Variants in JAKMIP3 observed in about 807,000 individuals in gnomAD.
JAKMIP3 encodes Janus kinase and microtubule interacting protein 3, also known as janus kinase and microtubule-interacting protein 3.
JAKMIP3 carries 58 observed loss-of-function variants against 118.5 expected under a neutral mutation model. The observed-to-expected ratio is 0.49, with a 90% CI of 0.40 to 0.61. The LOEUF (loss-of-function observed/expected upper bound fraction) is 0.61. Ranked by LOEUF, JAKMIP3 falls within the 20% of genes least tolerant of loss-of-function variation. The probability of loss-of-function intolerance (pLI) is 0.00; values close to 1 mark genes in which losing one functional copy is unlikely to be tolerated. For synonymous variants in JAKMIP3, 486 were observed against 451.2 expected, an observed-to-expected ratio of 1.08 and a Z score of -0.98; for missense variants, 950 against 1,109.0, an observed-to-expected ratio of 0.86 and a Z score of 2.04.
In JAKMIP3 at chr10:132,182,756, C is replaced by T. The variant is rs2061599232; in HGVS notation, c.*1503C>T. The T allele has an allele frequency of 1.3e-5, 2 of 152,134 alleles. No homozygotes were observed. The highest frequency in any genetic ancestry group is 4.8e-5 in the African/African-American group (2 of 41,406). The allele number at this position is 152,134 out of a possible 1,614,324, so 9.4% of individuals were successfully genotyped here. ...CTGGGTTGTCTGGAAGTATTAGGCT[C>T]ATTTTATATTTGTGTCAGAAGAAAT... On this transcript the variant is annotated 3_prime_UTR_variant, in exon 24 of 24. Transcript: ENST00000684848.
At chr10:132,165,850 C>T (rs1229082176) in intron 21 of JAKMIP3, among the ~76,000 whole-genome samples, 1 of 152,218 alleles carries the variant, frequency 6.6e-6, no homozygotes, top group Non-Finnish European at 1.5e-5. Flanking sequence ...CCTTTGAGGC[C>T]CCGGTGGACT....
intron 1 of JAKMIP3, among the ~76,000 whole-genome samples, chr10:132,042,194 C>CCTTCCTTCCTTCCTTT (rs2037781349): frequency 6.7e-6 from 1 of 148,498 alleles, no homozygotes; most frequent in Non-Finnish European, 1.5e-5. Flanking sequence ...CTCCTTCCTT[C>CCTTCCTTCCTTCCTTT]CTTCCTTCCT....
At chr10:132,130,816 G>T (rs1589887950) in intron 3 of JAKMIP3, among the ~76,000 whole-genome samples, 2 of 152,172 alleles carry the variant, frequency 1.3e-5, no homozygotes, top group African/African-American at 4.8e-5. Flanking sequence ...GATCATGTCC[G>T]TGGGCTTCAC....
chr10:132,115,532 G>A (rs7086006), intron 2 of JAKMIP3, among the ~76,000 whole-genome samples: 51,302 of 152,064 alleles, frequency 0.34, 9,001 homozygotes, highest in African/African-American at 0.44. Flanking sequence ...CGGCTGGTTT[G>A]AAATGGAGAT....
intron 9 of JAKMIP3, 109 bp downstream of exon 9, chr10:132,138,287 T>C: frequency 2.2e-6 from 2 of 903,686 alleles, no homozygotes; most frequent in Non-Finnish European, 3.2e-6. Flanking sequence ...GGTGCGCCGG[T>C]GTACGTGGAG....
intron 1 of JAKMIP3, among the ~76,000 whole-genome samples, chr10:132,048,277 A>G (rs1564850599): frequency 6.6e-6 from 1 of 152,070 alleles, no homozygotes; most frequent in Non-Finnish European, 1.5e-5. Flanking sequence ...CGCTGCTTTG[A>G]GACTGTGCAG....
At chr10:132,105,447 G>A (rs1041571500) in intron 2 of JAKMIP3, among the ~76,000 whole-genome samples, 1 of 151,982 alleles carries the variant, frequency 6.6e-6, no homozygotes, top group Admixed American at 6.6e-5. Flanking sequence ...GGATGGGGAG[G>A]CCCACGATGG....
rs374480913 is a variant in JAKMIP3, at chr10:132,149,560, G to A, written c.1947+50G>A. The A allele has an allele frequency of 2.5e-5, 15 of 601,316 alleles. 1 individual carries two copies. Among genetic ancestry groups the A allele is most frequent in the African/African-American group, 1.6e-4 (3 of 18,432 alleles). 37.2% of individuals were successfully genotyped at this position (601,316 alleles called of 1,614,324 possible). ...TCCGCCCCCACCTCACCCATCCCCC[G>A]CCCCACCCCCTCTCCGCCCCCGCCC... On this transcript the variant is annotated intron_variant, in intron 15 of 23. Coordinates refer to ENST00000684848, the MANE Select transcript of JAKMIP3 (RefSeq NM_001323087.2).
intron 16 of JAKMIP3, among the ~76,000 whole-genome samples, chr10:132,152,299 G>A (rs2136198632): frequency 6.6e-6 from 1 of 152,278 alleles, no homozygotes; most frequent in Admixed American, 6.5e-5. Context: ...AGGGCTTTTG[G>A]AGTGAGCTGG....
At chr10:132,165,106 C>T (rs192144013) in intron 21 of JAKMIP3, among the ~76,000 whole-genome samples, 254 of 152,336 alleles carry the variant, frequency 1.7e-3, no homozygotes, top group Non-Finnish European at 2.9e-3. Context: ...GCCTTTGATC[C>T]GTGCAGGTTC....
Position 132,117,553 on chromosome 10 carries a change from C to T in JAKMIP3, c.612C>T (p.Cys204=), listed in dbSNP as rs546754312. 3.3e-5 allele frequency: 52 copies of T among 1,565,804 alleles called. No individual in the cohort carries two copies. Among genetic ancestry groups the T allele is most frequent in the Middle Eastern group, 3.9e-4 (2 of 5,122 alleles). The change falls in exon 3 of 24, where the codon TGC becomes TGT. Residue 204 remains cysteine (C), a synonymous_variant. Transcript: ENST00000684848. This position sits in a 1 kb window ranked among gnomAD's most constrained non-coding sequence, Gnocchi z 8.6. ...AGATCACCCGCATCAAGAAGGAGTG[C>T]GAGCGGGAGATCCGCAGGCTGGTAC... ...QEEITRIKKE[C]EREIRRLMEE... is the part of the protein sequence containing the mutation.
upstream of JAKMIP3, among the ~76,000 whole-genome samples, chr10:132,063,893 C>T (rs1331678706): frequency 6.6e-6 from 1 of 152,208 alleles, no homozygotes; most frequent in Non-Finnish European, 1.5e-5. Context: ...CGCTTTCAGG[C>T]TTTGTTTTTC....
chr10:132,060,194 G>A (rs1312109487), upstream of JAKMIP3, among the ~76,000 whole-genome samples: 1 of 152,176 alleles, frequency 6.6e-6, no homozygotes, highest in Non-Finnish European at 1.5e-5. Context: ...GTAGGGGAAT[G>A]TTTTAGGGGG....
At chr10:132,143,604 A>G (rs867494407) in intron 11 of JAKMIP3, 4 of 152,252 alleles carry the variant, frequency 2.6e-5, no homozygotes, top group South Asian at 4.1e-4. Context: ...GAAGTGCTGC[A>G]TGGTTATTTT....
Position 132,164,634 on chromosome 10 carries a change from TG to T in JAKMIP3, c.2425-35del, listed in dbSNP as rs2058710678. ...AAGGATTTGGGTTTCCCGAGTACTG[TG>T]ACTATTGAAGATGTTCTTCCTTTTA... On this transcript the variant is annotated intron_variant, in intron 20 of 23. Coordinates refer to ENST00000684848, the MANE Select transcript of JAKMIP3 (RefSeq NM_001323087.2). 3 of 1,355,076 alleles carry T rather than the reference TG, an allele frequency of 2.2e-6. No individual in the cohort carries two copies. In the East Asian group the frequency reaches 6.9e-5, roughly 31 times the overall value. The allele number at this position is 1,355,076 out of a possible 1,614,324, so 83.9% of individuals were successfully genotyped here.
intron 1 of JAKMIP3, among the ~76,000 whole-genome samples, chr10:132,093,180 C>T (rs948268346): frequency 1.3e-5 from 2 of 152,218 alleles, no homozygotes; most frequent in African/African-American, 4.8e-5. Context: ...TCTGCCCTTA[C>T]TGGGGGGTGC....
intron 13 of JAKMIP3, among the ~76,000 whole-genome samples, chr10:132,146,738 T>C (rs922016219): frequency 2.6e-5 from 4 of 152,190 alleles, no homozygotes; most frequent in African/African-American, 9.6e-5. Context: ...GGTCGTGCCC[T>C]CTGGGGGTCC....
chr10:132,048,267 C>T (rs2037984377), intron 1 of JAKMIP3, among the ~76,000 whole-genome samples: 1 of 152,208 alleles, frequency 6.6e-6, no homozygotes, highest in Non-Finnish European at 1.5e-5. Flanking sequence ...GCTCTCCGAG[C>T]GCTGCTTTGA....
At chr10:132,140,371 GGGCAGCGGGAGGA>G (rs1443185873) in intron 9 of JAKMIP3, 67 bp from the exon 10 acceptor site, 152 of 1,584,982 alleles carry the variant, frequency 9.6e-5, no homozygotes, top group Middle Eastern at 6.8e-4. Flanking sequence ...CCCCACCGTT[GGGCAGCGGGAGGA>G]GGCGGCGGGA....
Sources: allele counts gnomAD v4.1 joint callset (sites outside exome capture counted in the v4.1 genomes callset), GRCh38; gene constraint gnomAD v4.1.1; non-coding constraint Gnocchi (gnomAD v3.1); transcripts MANE v1.5; gene names NCBI Gene and HGNC (gene_info 2026-07-23, HGNC 2026-07-21).